NTM: variants seen among roughly 807,000 people sequenced by gnomAD.
The protein encoded by NTM is IgLON family member 2.
NTM carries 13 observed loss-of-function variants against 42.1 expected under a neutral mutation model. The observed-to-expected ratio is 0.31, with a 90% CI of 0.20 to 0.49. The LOEUF (loss-of-function observed/expected upper bound fraction) is 0.49, where lower values mean the gene tolerates loss of function less well. Among genes scored for constraint, NTM ranks in the 20% least tolerant of loss-of-function variants. The pLI is 0.99. For missense variants in NTM, 373 were observed against 452.8 expected (o/e 0.82, Z 1.60); for synonymous variants, 187 against 179.2 (o/e 1.04, Z -0.35).
chr11:131,887,425 G>C (rs2050587593), intron 1 of NTM, among the ~76,000 whole-genome samples: 1 of 152,126 alleles, frequency 6.6e-6, no homozygotes. Context: ...CTTCTTTCTG[G>C]CTTCTTCTCC....
intron 2 of NTM, among the ~76,000 whole-genome samples, chr11:131,948,157 C>G (rs536005207): frequency 6.6e-6 from 1 of 151,648 alleles, no homozygotes; most frequent in Non-Finnish European, 1.5e-5. Flanking sequence ...GTCAGGAGAT[C>G]GATACTATCC....
chr11:132,103,445 A>G lies in NTM; in HGVS notation c.168-42837A>G, dbSNP rs115994120. Among the ~76,000 whole-genome samples, 330 of 152,380 alleles carry G rather than the reference A, an allele frequency of 2.2e-3. 1 individual carries two copies. Among genetic ancestry groups the G allele is most frequent in the African/African-American group, 7.4e-3 (309 of 41,594 alleles). The stretch of plus-strand genomic sequence containing the variant: ...CTTAGGAACGTTGAGATTTGCAATC[A>G]TGTGAAAATGCCTTTTCGTATTCCT... On this transcript the variant is annotated intron_variant, in intron 2 of 8. Coordinates refer to ENST00000683400, the MANE Select transcript of NTM (RefSeq NM_001352005.2).
chr11:132,169,320 C>T (rs7103492), intron 3 of NTM, among the ~76,000 whole-genome samples: 114 of 32,366 alleles, frequency 3.5e-3, no homozygotes, highest in Admixed American at 4.6e-3. Context: ...AATTTTTTTA[C>T]TTTTTTTTTT....
chr11:131,425,605 C>T (rs894499643), intron 1 of NTM, among the ~76,000 whole-genome samples: 3 of 152,142 alleles, frequency 2.0e-5, no homozygotes, highest in Non-Finnish European at 4.4e-5. Flanking sequence ...CTAAGGAAAG[C>T]CCCACACCTG....
chr11:131,859,251 T>C (rs2046389377), intron 1 of NTM, among the ~76,000 whole-genome samples: 1 of 152,228 alleles, frequency 6.6e-6, no homozygotes. Flanking sequence ...AAGAGTGCTC[T>C]AAAAATCTAT....
In NTM at chr11:132,202,357, C is replaced by G. The variant is rs946847204; in HGVS notation, c.401-9665C>G. On this transcript the variant is annotated intron_variant, in intron 3 of 8. Coordinates refer to ENST00000683400, the MANE Select transcript of NTM (RefSeq NM_001352005.2). ...GTTTGGTGTTTCTTTTCTTCCCACC[C>G]CATCTATCCTCCCTTCGTGAACTGG... 9.9e-5 allele frequency among the ~76,000 whole-genome samples: 15 copies of G among 152,146 alleles called. No individual in the cohort carries two copies. In the East Asian group the frequency reaches 2.9e-3, roughly 29 times the overall value.
intron 1 of NTM, among the ~76,000 whole-genome samples, chr11:131,773,534 ATGT>A (rs1321507035): frequency 5.3e-5 from 8 of 152,158 alleles, no homozygotes; most frequent in African/African-American, 1.7e-4. Context: ...GCCCCCATAT[ATGT>A]TGTTGTCCAG....
chr11:131,668,536 A>G (rs1384359798), intron 1 of NTM, among the ~76,000 whole-genome samples: 1 of 152,152 alleles, frequency 6.6e-6, no homozygotes, highest in Non-Finnish European at 1.5e-5. Flanking sequence ...CCTGTTGGAT[A>G]GGAACAAGGG....
chr11:131,869,879 C>T (rs2047600574), intron 1 of NTM, among the ~76,000 whole-genome samples: 1 of 152,188 alleles, frequency 6.6e-6, no homozygotes, highest in East Asian at 1.9e-4. Flanking sequence ...CTTTCCTATG[C>T]CTTAAGGACT....
intron 2 of NTM, among the ~76,000 whole-genome samples, chr11:131,948,851 G>T (rs776493138): frequency 6.6e-6 from 1 of 152,196 alleles, no homozygotes; most frequent in Non-Finnish European, 1.5e-5. Context: ...TACCTAACAT[G>T]AGATCTGCCT....
At chr11:131,588,403 T>C (rs1008016007) in intron 1 of NTM, among the ~76,000 whole-genome samples, 1 of 152,258 alleles carries the variant, frequency 6.6e-6, no homozygotes, top group Non-Finnish European at 1.5e-5. Context: ...ACAAAAATCC[T>C]TTCTCTTGAC....
intron 1 of NTM, among the ~76,000 whole-genome samples, chr11:131,446,679 A>C (rs776359576): frequency 6.6e-5 from 10 of 152,204 alleles, no homozygotes; most frequent in Non-Finnish European, 1.2e-4. Flanking sequence ...AGAAGTCGTA[A>C]GTTCTTCTCT....
chr11:132,173,759 A>C (rs2076409979), intron 3 of NTM, among the ~76,000 whole-genome samples: 1 of 152,176 alleles, frequency 6.6e-6, no homozygotes, highest in Non-Finnish European at 1.5e-5. Flanking sequence ...TGGAGAGTGG[A>C]GCTAGGACGA....
intron 4 of NTM, among the ~76,000 whole-genome samples, chr11:132,228,416 G>A (rs1417055292): frequency 6.6e-6 from 1 of 152,122 alleles, no homozygotes; most frequent in Non-Finnish European, 1.5e-5. Flanking sequence ...ATCTAATCTT[G>A]GCTTCCAGGT....
chr11:132,083,964 A>T (rs886732327), intron 2 of NTM, among the ~76,000 whole-genome samples: 1 of 152,184 alleles, frequency 6.6e-6, no homozygotes, highest in Non-Finnish European at 1.5e-5. Flanking sequence ...TCAGAAAAAA[A>T]AAATTAGCAA....
At chr11:132,197,597 C>T (rs1203211546) in intron 3 of NTM, among the ~76,000 whole-genome samples, 1 of 151,198 alleles carries the variant, frequency 6.6e-6, no homozygotes, top group African/African-American at 2.4e-5. Flanking sequence ...GTGCTGCACC[C>T]ATTAACTCGT....
At chr11:131,384,779 GAA>G (rs1481106505) in intron 1 of NTM, among the ~76,000 whole-genome samples, 1 of 152,228 alleles carries the variant, frequency 6.6e-6, no homozygotes, top group Admixed American at 6.5e-5. Context: ...AAGTGTTTGA[GAA>G]TATGCATTAT....
chr11:132,192,264 A>G (rs569815416), intron 3 of NTM, among the ~76,000 whole-genome samples: 5 of 152,154 alleles, frequency 3.3e-5, no homozygotes, highest in Non-Finnish European at 5.9e-5. Flanking sequence ...GAAGCTAGAG[A>G]GAAGGGGCAG....
chr11:131,577,800 T>C (rs2058063295), intron 1 of NTM, among the ~76,000 whole-genome samples: 1 of 152,220 alleles, frequency 6.6e-6, no homozygotes, highest in African/African-American at 2.4e-5. Flanking sequence ...TCCTACTGTC[T>C]TAGATTTATT....
Sources: gnomAD v4.1 joint callset for allele counts (sites outside exome capture counted in the v4.1 genomes callset) on GRCh38, gnomAD v4.1.1 for gene constraint, MANE v1.5 for transcripts, NCBI Gene and HGNC (gene_info 2026-07-23, HGNC 2026-07-21) for gene names.